LRRC4B: variants seen among roughly 807,000 people sequenced by gnomAD.
LRRC4B encodes leucine rich repeat containing 4B.
LRRC4B carries 1 observed loss-of-function variant against 7.3 expected under a neutral mutation model. The ratio of observed to expected loss-of-function variants is 0.14; its 90% CI spans 0.05 to 0.65. The LOEUF (loss-of-function observed/expected upper bound fraction) is 0.65, where lower values mean the gene tolerates loss of function less well. Among genes scored for constraint, LRRC4B ranks in the 30% least tolerant of loss-of-function variants. LRRC4B has a pLI of 0.84. For missense variants in LRRC4B, 730 were observed against 1,041.6 expected (o/e 0.70, Z 4.12); for synonymous variants, 500 against 499.2 (o/e 1.00, Z -0.02).
rs547099110 is a variant in LRRC4B, at chr19:50,548,377, C to T, written c.297+165G>A. Among the ~76,000 whole-genome samples, 66 of 152,366 alleles carry T rather than the reference C, an allele frequency of 4.3e-4. No individual in the cohort carries two copies. Among genetic ancestry groups the T allele is most frequent in the African/African-American group, 1.5e-3 (62 of 41,590 alleles). On this transcript the variant is annotated intron_variant, in intron 2 of 2. Coordinates refer to ENST00000652263, the MANE Select transcript of LRRC4B (RefSeq NM_001080457.2). The surrounding 1 kb of genome is among the most constrained non-coding windows in gnomAD (Gnocchi z 6.8). ...AGCCCGGAGGGCCTCCACTCCACCT[C>T]GGGAGCCCGGCTCCAGCTGATAGGA... is the stretch of plus-strand genomic sequence containing the variant.
intron 2 of LRRC4B, among the ~76,000 whole-genome samples, chr19:50,530,583 G>C (rs1981010741): frequency 6.6e-6 from 1 of 152,180 alleles, no homozygotes; most frequent in African/African-American, 2.4e-5. Context: ...AGGTGGAGAG[G>C]GGCCGTTGTC....
At chr19:50,562,726 CA>C (rs1423201144) in intron 1 of LRRC4B, among the ~76,000 whole-genome samples, 1 of 143,230 alleles carries the variant, frequency 7.0e-6, no homozygotes. Flanking sequence ...CCTCTCCATC[CA>C]GGGTTTTTTT....
chr19:50,560,136 A>AAATAAC (rs1202747027), intron 1 of LRRC4B, among the ~76,000 whole-genome samples: 4 of 152,290 alleles, frequency 2.6e-5, no homozygotes, highest in South Asian at 2.1e-4. Flanking sequence ...TTCTGTCTCA[A>AAATAAC]AATAACAATA....
At chr19:50,551,351 C>G (rs1982053272) in intron 1 of LRRC4B, among the ~76,000 whole-genome samples, 1 of 151,550 alleles carries the variant, frequency 6.6e-6, no homozygotes, top group Admixed American at 6.6e-5. Flanking sequence ...CGCGCCCCCC[C>G]CACTGGCCTG....
chr19:50,538,500 T>A (rs2122855621), intron 2 of LRRC4B, among the ~76,000 whole-genome samples: 1 of 152,268 alleles, frequency 6.6e-6, no homozygotes, highest in Admixed American at 6.5e-5. Flanking sequence ...ATTCTTGGTA[T>A]TTGCCTTGAT....
At chr19:50,549,390 G>A (rs1195779960) in intron 1 of LRRC4B, among the ~76,000 whole-genome samples, 2 of 152,120 alleles carry the variant, frequency 1.3e-5, no homozygotes, top group Non-Finnish European at 2.9e-5. Context: ...GTGGGTCCCA[G>A]CCTCCTCTCC....
At chr19:50,541,096 A>G (rs1343836206) in intron 2 of LRRC4B, among the ~76,000 whole-genome samples, 1 of 151,912 alleles carries the variant, frequency 6.6e-6, no homozygotes, top group East Asian at 2.0e-4. Flanking sequence ...AAGCAGGAGA[A>G]TGGCGTGAAC....
chr19:50,560,270 T>G lies in LRRC4B; in HGVS notation c.-36+7674A>C, dbSNP rs191294008. On this transcript the variant is annotated intron_variant, in intron 1 of 2. Transcript: ENST00000652263. Reference sequence around the variant, plus strand: ...GGTCTCTAAGTGCCCATCTCACTCCTATATTCCATTTCGGGATGAAGAATG... The same window carrying G: ...GGTCTCTAAGTGCCCATCTCACTCCGATATTCCATTTCGGGATGAAGAATG... Among the ~76,000 whole-genome samples the G allele has an allele frequency of 3.3e-5, 5 of 152,304 alleles. No homozygotes were observed. In the East Asian group the frequency reaches 9.6e-4, roughly 29 times the overall value.
intron 1 of LRRC4B, among the ~76,000 whole-genome samples, chr19:50,552,794 A>G (rs1982147193): frequency 1.3e-5 from 2 of 151,864 alleles, no homozygotes; most frequent in South Asian, 2.1e-4. Context: ...CCACCCATCC[A>G]TCCTTCCATC....
chr19:50,548,315 C>A lies in LRRC4B; in HGVS notation c.297+227G>T, dbSNP rs1981898676. Among the ~76,000 whole-genome samples the A allele has an allele frequency of 6.6e-6, 1 of 152,238 alleles. No individual in the cohort carries two copies. Among genetic ancestry groups the A allele is most frequent in the Non-Finnish European group, 1.5e-5 (1 of 68,038 alleles). On this transcript the variant is annotated intron_variant, in intron 2 of 2. Transcript: ENST00000652263. This position sits in a 1 kb window ranked among gnomAD's most constrained non-coding sequence, Gnocchi z 6.8. Reference sequence around the variant, plus strand: ...CAGGTGGCCTGCACTTGGGCCCCGACACGGTGGCTCAGAGACAGGGAGCAC... The same window carrying A: ...CAGGTGGCCTGCACTTGGGCCCCGAAACGGTGGCTCAGAGACAGGGAGCAC...
At chr19:50,561,649 C>G (rs749802032) in intron 1 of LRRC4B, among the ~76,000 whole-genome samples, 3 of 152,118 alleles carry the variant, frequency 2.0e-5, no homozygotes, top group African/African-American at 7.2e-5. Context: ...GCGGGAGGAT[C>G]GCTTGAGCCC....
At position 50,518,351 on chromosome 19, in the gene LRRC4B, C is replaced by A. The variant is rs760569294; in HGVS notation, c.1362G>T (p.Ser454=). 6.2e-7 allele frequency: 1 copy of A among 1,605,300 alleles called. No individual in the cohort carries two copies. The highest frequency in any genetic ancestry group is 8.5e-7 in the Non-Finnish European group (1 of 1,176,992). The part of the protein sequence containing the change: ...NTTASATLNV[S]AVDPVAAGGT... ...CCCCGGCCGCCACGGGGTCCACGGCCGAGACGTTGAGCGTGGCCGAGGCGG... is the reference window on the plus strand; with the variant it reads ...CCCCGGCCGCCACGGGGTCCACGGCAGAGACGTTGAGCGTGGCCGAGGCGG... The change falls in exon 3 of 3, where the codon TCG becomes TCT. Residue 454 remains serine (S), a synonymous_variant. Coordinates refer to ENST00000652263, the MANE Select transcript of LRRC4B (RefSeq NM_001080457.2).
Position 50,559,546 on chromosome 19 carries a change from C to G in LRRC4B, c.-36+8398G>C, listed in dbSNP as rs1368675379. 3.9e-5 allele frequency among the ~76,000 whole-genome samples: 6 copies of G among 152,218 alleles called. No homozygotes were observed. In the East Asian group the frequency reaches 1.2e-3, roughly 29 times the overall value. On this transcript the variant is annotated intron_variant, in intron 1 of 2. Coordinates refer to ENST00000652263, the MANE Select transcript of LRRC4B (RefSeq NM_001080457.2). ...AATTCACCCCAGAAGAGAACTGGGC[C>G]CTGGCCTGGCATTGGTGGTTTTTAC...
chr19:50,565,173 C>T (rs1000829185), intron 1 of LRRC4B, among the ~76,000 whole-genome samples: 1 of 152,154 alleles, frequency 6.6e-6, no homozygotes, highest in East Asian at 1.9e-4. Flanking sequence ...CGCTGGCACT[C>T]GGTTTGGTGT....
At chr19:50,527,943 G>A (rs1288032742) in intron 2 of LRRC4B, among the ~76,000 whole-genome samples, 5 of 151,246 alleles carry the variant, frequency 3.3e-5, no homozygotes, top group Non-Finnish European at 7.4e-5. Context: ...GGGTTTCACC[G>A]TGTTAGCCAG....
intron 2 of LRRC4B, among the ~76,000 whole-genome samples, chr19:50,536,473 G>GT (rs772867562): frequency 3.3e-5 from 5 of 152,204 alleles, no homozygotes; most frequent in Non-Finnish European, 7.3e-5. Context: ...TCTGCACGCA[G>GT]TGTCGAGAGG....
chr19:50,554,330 T>A (rs1982200244), intron 1 of LRRC4B, among the ~76,000 whole-genome samples: 1 of 151,924 alleles, frequency 6.6e-6, no homozygotes, highest in East Asian at 1.9e-4. Context: ...TGGACACCAA[T>A]GTCCCGGGTC....
chr19:50,542,767 C>T (rs979419055), intron 2 of LRRC4B, among the ~76,000 whole-genome samples: 9 of 152,052 alleles, frequency 5.9e-5, no homozygotes, highest in East Asian at 1.9e-4. Context: ...ATAGCCACCG[C>T]GCCTGGCCAT....
At chr19:50,554,426 G>A (rs1315703734) in intron 1 of LRRC4B, among the ~76,000 whole-genome samples, 1 of 152,104 alleles carries the variant, frequency 6.6e-6, no homozygotes. Context: ...TTCCAAACAG[G>A]AGGTCCCCAG....
Sources: allele counts gnomAD v4.1 joint callset (sites outside exome capture counted in the v4.1 genomes callset), GRCh38; gene constraint gnomAD v4.1.1; non-coding constraint Gnocchi (gnomAD v3.1); transcripts MANE v1.5; gene names NCBI Gene and HGNC (gene_info 2026-07-23, HGNC 2026-07-21).